ARPP19: variants seen among roughly 807,000 people sequenced by gnomAD.
ARPP19 encodes the protein cAMP regulated phosphoprotein 19.
ARPP19 carries 8 observed loss-of-function variants against 12.0 expected under a neutral mutation model. The observed-to-expected ratio is 0.67, with a 90% confidence interval of 0.39 to 1.21. The LOEUF is 1.21. Among genes scored for constraint, ARPP19 ranks in the 50% most tolerant of loss-of-function variants. ARPP19 has a pLI of 0.01. For synonymous variants in ARPP19, 47 were observed against 50.4 expected (o/e 0.93, Z 0.29); for missense variants, 102 against 136.3 (o/e 0.75, Z 1.25).
At chr15:52,559,191 T>A (rs959522549) in intron 1 of ARPP19, among the ~76,000 whole-genome samples, 2 of 152,208 alleles carry the variant, frequency 1.3e-5, no homozygotes, top group Admixed American at 1.3e-4. Flanking sequence ...TCACTTGACA[T>A]GCACGACATT....
At position 52,548,809 on chromosome 15, in the gene ARPP19, G is replaced by C. The variant is rs1257077222; in HGVS notation, c.*3125C>G. Reference sequence around the variant, plus strand: ...TAATTTGGATTAAGAACACAAGCCTGATTTAGTAAAAAGTATCCATAAATA... The same window carrying C: ...TAATTTGGATTAAGAACACAAGCCTCATTTAGTAAAAAGTATCCATAAATA... On this transcript the variant is annotated 3_prime_UTR_variant, in exon 3 of 3. Coordinates refer to ENST00000249822, the MANE Select transcript of ARPP19 (RefSeq NM_006628.6). 6.6e-6 allele frequency: 1 copy of C among 152,602 alleles called. No homozygotes were observed. The highest frequency in any genetic ancestry group is 2.4e-5 in the African/African-American group (1 of 41,438). The allele number at this position is 152,602 out of a possible 1,614,324, so 9.5% of individuals were successfully genotyped here.
At chr15:52,565,461 C>G (rs1253300423) in intron 1 of ARPP19, among the ~76,000 whole-genome samples, 1 of 152,216 alleles carries the variant, frequency 6.6e-6, no homozygotes, top group Non-Finnish European at 1.5e-5. Context: ...CAGTGGTTAT[C>G]TCAAAGGCAA....
Position 52,566,162 on chromosome 15 carries a change from TTTTA to T in ARPP19, c.45+2682_45+2685del, listed in dbSNP as rs150527312. Among the ~76,000 whole-genome samples, 23 of 151,752 alleles carry T rather than the reference TTTTA, an allele frequency of 1.5e-4. No individual in the cohort carries two copies. In the South Asian group the frequency reaches 4.6e-3, roughly 30 times the overall value. On this transcript the variant is annotated intron_variant, in intron 1 of 2. Coordinates refer to ENST00000249822, the MANE Select transcript of ARPP19 (RefSeq NM_006628.6). Reference sequence around the variant, plus strand: ...AGCCACCGTGCCCGGCCAAATTTTATTTTATTTATTTTCTGACACAGAATCTTGT... The same window carrying T: ...AGCCACCGTGCCCGGCCAAATTTTATTTTATTTTCTGACACAGAATCTTGT...
At chr15:52,556,077 C>T (rs2077978781) in intron 2 of ARPP19, among the ~76,000 whole-genome samples, 1 of 151,992 alleles carries the variant, frequency 6.6e-6, no homozygotes, top group Admixed American at 6.6e-5. Context: ...ATTATTCCAT[C>T]ATCCTAGTAT....
intron 2 of ARPP19, among the ~76,000 whole-genome samples, chr15:52,553,623 A>C (rs1210750728): frequency 6.6e-6 from 1 of 152,228 alleles, no homozygotes; most frequent in African/African-American, 2.4e-5. Context: ...TGCTCAAAGA[A>C]GGGGGCTCTA....
At chr15:52,565,475 T>G (rs1238905334) in intron 1 of ARPP19, among the ~76,000 whole-genome samples, 1 of 152,210 alleles carries the variant, frequency 6.6e-6, no homozygotes, top group Admixed American at 6.5e-5. Flanking sequence ...AAGGCAAATA[T>G]AAGCATATTC....
At chr15:52,568,038 C>G (rs1189837480) in intron 1 of ARPP19, among the ~76,000 whole-genome samples, 1 of 152,200 alleles carries the variant, frequency 6.6e-6, no homozygotes, top group Non-Finnish European at 1.5e-5. Context: ...GAGACAAACA[C>G]CAGCCTAGAT....
At chr15:52,564,041 A>G (rs1566898396) in intron 1 of ARPP19, 1 of 568,552 alleles carries the variant, frequency 1.8e-6, no homozygotes. Context: ...CTCATCTTTA[A>G]TATTTTATGT....
rs543822736 is a variant in ARPP19, at chr15:52,551,738, T to C, written c.*196A>G. 3 of 541,856 alleles carry C rather than the reference T, an allele frequency of 5.5e-6. No individual in the cohort carries two copies. Among genetic ancestry groups the C allele is most frequent in the Non-Finnish European group, 9.8e-6 (3 of 306,752 alleles). 33.6% of individuals were successfully genotyped at this position (541,856 alleles called of 1,614,324 possible). ...AGTTTACTTATGTTGCTCTAACATGTCCTCTTCACCAGTGCACTGTTAAAC... is the reference window on the plus strand; with the variant it reads ...AGTTTACTTATGTTGCTCTAACATGCCCTCTTCACCAGTGCACTGTTAAAC... On this transcript the variant is annotated 3_prime_UTR_variant, in exon 3 of 3. Transcript: ENST00000249822.
intron 2 of ARPP19, among the ~76,000 whole-genome samples, chr15:52,554,257 TG>T (rs1436710855): frequency 1.3e-5 from 2 of 152,062 alleles, no homozygotes; most frequent in African/African-American, 4.8e-5. Context: ...CTCAATTAAC[TG>T]TAGATTAGGC....
intron 1 of ARPP19, among the ~76,000 whole-genome samples, chr15:52,561,180 T>G (rs1276269075): frequency 6.6e-6 from 1 of 152,220 alleles, no homozygotes; most frequent in Admixed American, 6.5e-5. Context: ...TTGATGTGAC[T>G]CCACGTTTCT....
At chr15:52,567,001 G>A (rs1328443548) in intron 1 of ARPP19, among the ~76,000 whole-genome samples, 3 of 152,152 alleles carry the variant, frequency 2.0e-5, no homozygotes, top group African/African-American at 7.2e-5. Context: ...GGCTTTAAGT[G>A]GAAGGTCAAT....
intron 1 of ARPP19, chr15:52,564,317 G>A: frequency 2.6e-6 from 3 of 1,167,248 alleles, no homozygotes; most frequent in African/African-American, 3.0e-5. Flanking sequence ...GGAGGCTGAG[G>A]TGGGAGGCTA....
At position 52,550,424 on chromosome 15, in the gene ARPP19, TC is replaced by T. The variant is rs1418689716; in HGVS notation, c.*1509del. 1.3e-5 allele frequency: 2 copies of T among 152,238 alleles called. No individual in the cohort carries two copies. Among genetic ancestry groups the T allele is most frequent in the Non-Finnish European group, 2.9e-5 (2 of 68,038 alleles). The allele number at this position is 152,238 out of a possible 1,614,324, so 9.4% of individuals were successfully genotyped here. A position where few individuals can be genotyped will look rare whatever the true frequency, so the allele number is the denominator to read the frequency against. ...CTAAAATAATTTACCAAAATTCAGCTCATCTTGACATAGGTTCTTGAGCCAG... is the reference window on the plus strand; with the variant it reads ...CTAAAATAATTTACCAAAATTCAGCTATCTTGACATAGGTTCTTGAGCCAG... On this transcript the variant is annotated 3_prime_UTR_variant, in exon 3 of 3. Coordinates refer to ENST00000249822, the MANE Select transcript of ARPP19 (RefSeq NM_006628.6).
intron 1 of ARPP19, among the ~76,000 whole-genome samples, chr15:52,558,444 G>A (rs2078001752): frequency 6.8e-6 from 1 of 147,504 alleles, no homozygotes; most frequent in African/African-American, 2.5e-5. Context: ...CCCAGGTCTA[G>A]CGAGAACTTG....
At chr15:52,563,702 G>A (rs752652465) in intron 1 of ARPP19, among the ~76,000 whole-genome samples, 3 of 152,122 alleles carry the variant, frequency 2.0e-5, no homozygotes, top group Non-Finnish European at 4.4e-5. Context: ...ATACAGCAAC[G>A]TCAGCAATAA....
chr15:52,558,173 T>A (rs2077998712), intron 1 of ARPP19, among the ~76,000 whole-genome samples: 1 of 152,126 alleles, frequency 6.6e-6, no homozygotes, highest in Non-Finnish European at 1.5e-5. Flanking sequence ...AAAAACAGAC[T>A]GGGCACGGTG....
chr15:52,562,722 A>T (rs2078045795), intron 1 of ARPP19, among the ~76,000 whole-genome samples: 1 of 152,122 alleles, frequency 6.6e-6, no homozygotes, highest in Non-Finnish European at 1.5e-5. Flanking sequence ...AAGAAAGCTA[A>T]ATCTCAATGA....
At chr15:52,560,451 C>T (rs865896416) in intron 1 of ARPP19, among the ~76,000 whole-genome samples, 2 of 152,122 alleles carry the variant, frequency 1.3e-5, no homozygotes, top group African/African-American at 4.8e-5. Context: ...AAAAACAAGC[C>T]GATTCTTGAA....
Sources: allele counts gnomAD v4.1 joint callset (sites outside exome capture counted in the v4.1 genomes callset), GRCh38; gene constraint gnomAD v4.1.1; transcripts MANE v1.5; gene names NCBI Gene and HGNC (gene_info 2026-07-23, HGNC 2026-07-21).